Variants in NPAS3 observed in about 807,000 individuals in gnomAD.
NPAS3 encodes the protein neuronal PAS domain protein 3, also known as neuronal PAS domain-containing protein 3.
In NPAS3, 14 loss-of-function variants were observed where a neutral mutation model predicts 73.1. That is an observed-to-expected ratio of 0.19 (90% CI 0.13 to 0.30). The LOEUF (loss-of-function observed/expected upper bound fraction) is 0.30. Among genes scored for constraint, NPAS3 ranks in the 10% least tolerant of loss-of-function variants. The pLI is 1.00. For missense variants in NPAS3, 1,096 were observed against 1,250.0 expected (o/e 0.88, Z 1.86); for synonymous variants, 620 against 541.5 (o/e 1.14, Z -2.01).
chr14:33,415,427 T>C (rs542169911), intron 4 of NPAS3, among the ~76,000 whole-genome samples: 1 of 152,292 alleles, frequency 6.6e-6, no homozygotes, highest in Non-Finnish European at 1.5e-5. Flanking sequence ...TTATACTTTC[T>C]TCAAAGTCCA....
intron 4 of NPAS3, among the ~76,000 whole-genome samples, chr14:33,418,049 AT>A (rs35311275): frequency 0.52 from 77,525 of 150,138 alleles, 21,177 homozygotes; most frequent in African/African-American, 0.7. Context: ...GCAATGCAGG[AT>A]TTTTTTTTTT....
At chr14:33,268,556 A>G (rs183839147) in intron 3 of NPAS3, among the ~76,000 whole-genome samples, 3 of 151,828 alleles carry the variant, frequency 2.0e-5, no homozygotes, top group African/African-American at 4.8e-5. Context: ...TTTGCATTCA[A>G]ATGTAACCAC....
At chr14:33,418,607 G>A (rs1407045831) in intron 4 of NPAS3, among the ~76,000 whole-genome samples, 1 of 151,838 alleles carries the variant, frequency 6.6e-6, no homozygotes, top group Non-Finnish European at 1.5e-5. Flanking sequence ...AGTTTTAAGA[G>A]GATATGTTAA....
intron 4 of NPAS3, among the ~76,000 whole-genome samples, chr14:33,416,698 A>T (rs1034181396): frequency 1.3e-5 from 2 of 152,020 alleles, no homozygotes; most frequent in African/African-American, 2.4e-5. Context: ...TGAGATAGAC[A>T]TTCTATTCTT....
At position 33,635,332 on chromosome 14, in the gene NPAS3, G is replaced by A. The variant is rs1252464124; in HGVS notation, c.559-40879G>A. ...GGAAGTCAGATTACAGAGAGTTGTC[G>A]ATGGAATTGGATGTGAGGAAGTAGA... is the stretch of plus-strand genomic sequence containing the variant. On this transcript the variant is annotated intron_variant, in intron 5 of 11. Transcript: ENST00000356141. 3.3e-5 allele frequency among the ~76,000 whole-genome samples: 5 copies of A among 152,252 alleles called. No individual in the cohort carries two copies. In the East Asian group the frequency reaches 7.7e-4, roughly 24 times the overall value.
chr14:33,403,668 A>G (rs2047540985), intron 4 of NPAS3, among the ~76,000 whole-genome samples: 1 of 151,934 alleles, frequency 6.6e-6, no homozygotes, highest in Non-Finnish European at 1.5e-5. Flanking sequence ...TTTAATCTTT[A>G]TTCATTTTAT....
chr14:33,635,040 T>C (rs576750464), intron 5 of NPAS3, among the ~76,000 whole-genome samples: 48 of 152,284 alleles, frequency 3.2e-4, no homozygotes, highest in Non-Finnish European at 5.7e-4. Flanking sequence ...TTGAGGAAAG[T>C]ATCACACAAG....
At chr14:33,348,126 A>G (rs970456967) in intron 3 of NPAS3, among the ~76,000 whole-genome samples, 4 of 152,166 alleles carry the variant, frequency 2.6e-5, no homozygotes, top group Non-Finnish European at 4.4e-5. Context: ...CCCTATGAAC[A>G]AGCATTTTAG....
intron 2 of NPAS3, among the ~76,000 whole-genome samples, chr14:33,077,967 G>A (rs1417519116): frequency 3.3e-5 from 5 of 151,488 alleles, no homozygotes; most frequent in South Asian, 2.1e-4. Context: ...GTGAAACCCC[G>A]TCTCTACTAA....
chr14:33,778,569 G>C, exon 9 of NPAS3: 1 of 1,607,742 alleles, frequency 6.2e-7, no homozygotes, highest in Non-Finnish European at 8.5e-7. Flanking sequence ...CAGTCACTTG[G>C]ACTGTAAGTA....
chr14:32,985,310 C>A (rs1286335657), intron 1 of NPAS3, among the ~76,000 whole-genome samples: 1 of 152,024 alleles, frequency 6.6e-6, no homozygotes, highest in African/African-American at 2.4e-5. Flanking sequence ...AGAGGTGCAG[C>A]TACACAATTT....
chr14:33,060,502 G>C lies in NPAS3; in HGVS notation c.140+4508G>C, dbSNP rs1011557310. Among the ~76,000 whole-genome samples the C allele has an allele frequency of 2.6e-5, 4 of 152,334 alleles. No individual in the cohort carries two copies. In the East Asian group the frequency reaches 7.7e-4, roughly 29 times the overall value. Reference sequence around the variant, plus strand: ...AAGATTGAGAAGCCCTGATTGAGAAGGTGTTTGTAATGGATTTAGACAGTT... The same window carrying C: ...AAGATTGAGAAGCCCTGATTGAGAACGTGTTTGTAATGGATTTAGACAGTT... On this transcript the variant is annotated intron_variant, in intron 2 of 11. Transcript: ENST00000356141.
chr14:33,050,089 A>G (rs552502559), intron 1 of NPAS3, among the ~76,000 whole-genome samples: 1 of 152,272 alleles, frequency 6.6e-6, no homozygotes, highest in South Asian at 2.1e-4. Context: ...TCTAATTGGA[A>G]TCAGACTCCT....
chr14:33,235,399 G>C (rs1455971296), intron 3 of NPAS3, among the ~76,000 whole-genome samples: 2 of 151,700 alleles, frequency 1.3e-5, no homozygotes, highest in African/African-American at 4.8e-5. Flanking sequence ...TTTTTTTTCA[G>C]CTAAAAATCT....
intron 7 of NPAS3, among the ~76,000 whole-genome samples, chr14:33,767,073 G>T (rs2062486644): frequency 6.6e-6 from 1 of 152,216 alleles, no homozygotes; most frequent in African/African-American, 2.4e-5. Context: ...CTTCTCCATG[G>T]CGCTTGCATC....
intron 7 of NPAS3, among the ~76,000 whole-genome samples, chr14:33,755,366 A>G (rs1245606896): frequency 6.6e-6 from 1 of 152,180 alleles, no homozygotes; most frequent in East Asian, 1.9e-4. Context: ...TATTTTTGTG[A>G]AGAAAAGCCA....
At chr14:33,178,915 A>G (rs2045694908) in intron 2 of NPAS3, among the ~76,000 whole-genome samples, 1 of 152,224 alleles carries the variant, frequency 6.6e-6, no homozygotes, top group Non-Finnish European at 1.5e-5. Flanking sequence ...GAAAGCTTTC[A>G]GTCTTCCCAT....
chr14:33,114,098 C>T (rs142731308), intron 2 of NPAS3, among the ~76,000 whole-genome samples: 1,984 of 152,110 alleles, frequency 0.013, 48 homozygotes, highest in African/African-American at 0.045. Flanking sequence ...TGCAGTGGCA[C>T]GATCTTGACT....
chr14:33,248,854 C>A (rs771600803), intron 3 of NPAS3, among the ~76,000 whole-genome samples: 1 of 152,142 alleles, frequency 6.6e-6, no homozygotes, highest in Non-Finnish European at 1.5e-5. Flanking sequence ...AAAACCACAG[C>A]CGTGAAAATC....
Sources: allele counts gnomAD v4.1 joint callset (sites outside exome capture counted in the v4.1 genomes callset), GRCh38; gene constraint gnomAD v4.1.1; transcripts MANE v1.5; gene names NCBI Gene and HGNC (gene_info 2026-07-23, HGNC 2026-07-21).